The following ARHGEF10L variants were observed in gnomAD, a reference collection of about 807,000 sequenced individuals.
ARHGEF10L encodes rho guanine nucleotide exchange factor 10-like protein.
A neutral mutation model predicts 141.2 loss-of-function variants in ARHGEF10L; 69 were observed. The observed-to-expected ratio is 0.49, with a 90% CI of 0.40 to 0.60. ARHGEF10L has a LOEUF of 0.60. Among genes scored for constraint, ARHGEF10L ranks in the 20% least tolerant of loss-of-function variants. The pLI is 0.00. For missense variants in ARHGEF10L, 1,482 were observed against 1,734.3 expected (o/e 0.85, Z 2.58); for synonymous variants, 711 against 718.5 (o/e 0.99, Z 0.17).
At chr1:17,679,209 A>T (rs1571500361) in intron 26 of ARHGEF10L, among the ~76,000 whole-genome samples, 1 of 152,296 alleles carries the variant, frequency 6.6e-6, no homozygotes, top group Middle Eastern at 3.4e-3. Flanking sequence ...GACCTTAACC[A>T]GTTTGCTGGG....
intron 26 of ARHGEF10L, among the ~76,000 whole-genome samples, chr1:17,667,201 G>A (rs2063039090): frequency 6.6e-6 from 1 of 152,236 alleles, no homozygotes; most frequent in African/African-American, 2.4e-5. Context: ...GGTGTGAGGA[G>A]GAAAGGAGGC....
rs763367518 is a variant in ARHGEF10L at position 17,632,362 on chromosome 1, G to C, written c.1626G>C (p.Thr542=). The change falls in exon 16 of 29, where the codon ACG becomes ACC. Residue 542 remains threonine, a synonymous_variant. Coordinates refer to ENST00000361221, the MANE Select transcript of ARHGEF10L (RefSeq NM_018125.4). ...SGQRQLLLCE[T]LTETVYGDRG... is the part of the protein sequence containing the mutation. ...AGCGGCAGCTGCTCCTGTGTGAGAC[G>C]TTGACGGAGACCGTGTACGGTGACC... 2.5e-6 allele frequency: 4 copies of C among 1,614,168 alleles called. No individual in the cohort carries two copies. The highest frequency in any genetic ancestry group is 3.4e-6 in the Non-Finnish European group (4 of 1,180,032).
Position 17,687,823 on chromosome 1 carries a change from C to A in ARHGEF10L, c.3184+76C>A, listed in dbSNP as rs2064743285. On this transcript the variant is annotated intron_variant, in intron 27 of 28. Coordinates refer to ENST00000361221, the MANE Select transcript of ARHGEF10L (RefSeq NM_018125.4). The stretch of plus-strand genomic sequence containing the variant: ...CGGCCAGGTAGTGGTGTGACCTGGG[C>A]AGCCCATCCCATTTTCCCTCATCAG... 7 of 1,433,622 alleles carry A rather than the reference C, an allele frequency of 4.9e-6. No homozygotes were observed. In the South Asian group the frequency reaches 1.0e-4, roughly 20 times the overall value. The allele number at this position is 1,433,622 out of a possible 1,614,324, so 88.8% of individuals were successfully genotyped here. A position where few individuals can be genotyped will look rare whatever the true frequency, so the allele number is the denominator to read the frequency against.
chr1:17,622,011 C>T lies in ARHGEF10L; in HGVS notation c.1020+70C>T, dbSNP rs114377192. On this transcript the variant is annotated intron_variant, in intron 11 of 28. Coordinates refer to ENST00000361221, the MANE Select transcript of ARHGEF10L (RefSeq NM_018125.4). Reference sequence around the variant, plus strand: ...GAGGGCCCTGGAGGGTAACTTTATACGGAGTGTTTGGGGACTGTGGGCAGT... The same window carrying T: ...GAGGGCCCTGGAGGGTAACTTTATATGGAGTGTTTGGGGACTGTGGGCAGT... The T allele has an allele frequency of 4.2e-4, 648 of 1,544,428 alleles. 3 individuals are homozygous for T. The African/African-American group carries it at 4.4e-3, about 11-fold the overall frequency.
intron 1 of ARHGEF10L, among the ~76,000 whole-genome samples, chr1:17,543,648 T>A (rs1341797711): frequency 1.3e-5 from 2 of 151,968 alleles, no homozygotes; most frequent in Non-Finnish European, 2.9e-5. Context: ...ATATAGTTTG[T>A]TTGTTTGTTT....
intron 21 of ARHGEF10L, among the ~76,000 whole-genome samples, chr1:17,642,001 GA>G (rs79720576): frequency 3.7e-4 from 54 of 144,592 alleles, no homozygotes; most frequent in East Asian, 6.1e-4. Context: ...AAAAAAAAAA[GA>G]AAAAAAAAAG....
chr1:17,603,829 C>T lies in ARHGEF10L; in HGVS notation c.433+238C>T, dbSNP rs535442379. ...GGGCCATGCTCCGGCTATGGGTCCC[C>T]GGGCAGGTAATCACCTTTCTAAGCC... On this transcript the variant is annotated intron_variant, in intron 6 of 28. Transcript: ENST00000361221. This position sits in a 1 kb window ranked among gnomAD's most constrained non-coding sequence, Gnocchi z 4.8. 9.6e-4 allele frequency among the ~76,000 whole-genome samples: 147 copies of T among 152,344 alleles called. No individual in the cohort carries two copies. Among genetic ancestry groups the T allele is most frequent in the African/African-American group, 3.4e-3 (140 of 41,592 alleles).
chr1:17,687,649 C>G lies in ARHGEF10L; in HGVS notation c.3086C>G (p.Ala1029Gly). ...MVKAGSGVWM[A>G]FSSGTSIRLF... ...AAGGCGGGCAGCGGCGTCTGGATGG[C>G]CTTCTCCTCCGGCACCTCCATCCGC... The change falls in exon 27 of 29, where the codon GCC (alanine) becomes GGC (glycine). Residue 1029 changes from alanine to glycine, a missense_variant. Around this residue, in one of 3 missense-constraint regions of ARHGEF10L, gnomAD observed 858 missense variants for 966.3 expected, o/e 0.89. Transcript: ENST00000361221. 6.2e-7 allele frequency: 1 copy of G among 1,612,742 alleles called. No individual in the cohort carries two copies. Among genetic ancestry groups the G allele is most frequent in the Admixed American group, 1.7e-5 (1 of 59,982 alleles).
chr1:17,608,036 G>A, intron 7 of ARHGEF10L, 59 bp downstream of exon 7: 2 of 1,289,008 alleles, frequency 1.6e-6, no homozygotes, highest in South Asian at 1.8e-5. Context: ...CTTCAGGGAG[G>A]GAGGGAGGGA....
At chr1:17,532,589 C>T in the ARHGEF10L span, among the ~76,000 whole-genome samples, 1 of 141,680 alleles carries the variant, frequency 7.1e-6, no homozygotes, top group South Asian at 2.4e-4. Context: ...GTCCCTTCAC[C>T]CTTGATCTTT....
At chr1:17,658,018 T>G (rs182357518) in intron 25 of ARHGEF10L, among the ~76,000 whole-genome samples, 163 of 152,296 alleles carry the variant, frequency 1.1e-3, no homozygotes, top group African/African-American at 3.0e-3. Flanking sequence ...GGGTCCGTGT[T>G]TGGATGGGTC....
At chr1:17,632,239 C>G in intron 15 of ARHGEF10L, 82 bp from the exon 16 acceptor site, 1 of 1,561,902 alleles carries the variant, frequency 6.4e-7, no homozygotes, top group African/African-American at 1.3e-5. Context: ...CCTTTCTGCA[C>G]CATGGGAGGA....
rs571388073 is a variant in ARHGEF10L at position 17,656,063 on chromosome 1, C to T, written c.2666C>T (p.Thr889Met). Residue 889 changes from threonine (T) to methionine (M), a missense_variant, in exon 24 of 29, where the codon ACG becomes ATG. Thr to Met is a moderately conservative substitution (Grantham distance 81). Around this residue, in one of 3 missense-constraint regions of ARHGEF10L, gnomAD observed 858 missense variants for 966.3 expected, o/e 0.89. Coordinates refer to ENST00000361221, the MANE Select transcript of ARHGEF10L (RefSeq NM_018125.4). This position sits in a 1 kb window ranked among gnomAD's most constrained non-coding sequence, Gnocchi z 4.9. ...CCGACAGTTGCTGACCCCTCGGCCA[C>T]GGTGCATCCAACCATCTGCCTCGGG... The part of the protein sequence containing the change: ...ESPTVADPSA[T>M]VHPTICLGLQ... The T allele has an allele frequency of 1.0e-5, 16 of 1,563,360 alleles. No individual in the cohort carries two copies. The African/African-American group carries it at 1.1e-4, about 11-fold the overall frequency.
chr1:17,597,155 C>T (rs894834532), intron 4 of ARHGEF10L, among the ~76,000 whole-genome samples: 1 of 152,172 alleles, frequency 6.6e-6, no homozygotes, highest in African/African-American at 2.4e-5. Context: ...CTGCCCCTCA[C>T]CATGGATTCA....
intron 4 of ARHGEF10L, among the ~76,000 whole-genome samples, chr1:17,594,785 C>T (rs1379827154): frequency 6.6e-6 from 1 of 152,178 alleles, no homozygotes; most frequent in East Asian, 1.9e-4. Context: ...ATACCCGGCC[C>T]CCTCAGTTGC....
rs569735155 is a variant in ARHGEF10L, at chr1:17,546,477, C to T, written c.-44+6527C>T. Among the ~76,000 whole-genome samples, 14 of 152,250 alleles carry T rather than the reference C, an allele frequency of 9.2e-5. No individual in the cohort carries two copies. The South Asian group carries it at 2.7e-3, about 29-fold the overall frequency. ...GATCCTGCAAGTACGTCCTATTTTC[C>T]GATCTTATCGATGAGGAAATTGAGT... On this transcript the variant is annotated intron_variant, in intron 1 of 28. Transcript: ENST00000361221.
chr1:17,556,088 AACACAGGGATG>A (rs2077298539), intron 1 of ARHGEF10L, among the ~76,000 whole-genome samples: 2 of 110,778 alleles, frequency 1.8e-5, no homozygotes, highest in East Asian at 3.2e-4. Flanking sequence ...TGGGCCTGGG[AACACAGGGATG>A]AGCCTGGGAG....
the ARHGEF10L span, among the ~76,000 whole-genome samples, chr1:17,534,033 C>A: frequency 2.0e-5 from 3 of 151,974 alleles, no homozygotes; most frequent in Non-Finnish European, 4.4e-5. Context: ...GTGATCTTGG[C>A]TCACTGCAAC....
chr1:17,696,048 A>T (rs1467707625), intron 28 of ARHGEF10L, among the ~76,000 whole-genome samples: 1 of 152,028 alleles, frequency 6.6e-6, no homozygotes, highest in African/African-American at 2.4e-5. Context: ...AAATAAAAAA[A>T]AATAAAAATA....
Sources: allele counts gnomAD v4.1 joint callset (sites outside exome capture counted in the v4.1 genomes callset), GRCh38; gene constraint gnomAD v4.1.1; regional missense constraint gnomAD v4.1.1; non-coding constraint Gnocchi (gnomAD v3.1); transcripts MANE v1.5; gene names NCBI Gene and HGNC (gene_info 2026-07-23, HGNC 2026-07-21).